Variants in LASP1 observed in about 807,000 individuals in gnomAD.
The protein encoded by LASP1 is LIM and SH3 protein 1, also known as LIM and SH3 domain protein 1.
A neutral mutation model predicts 38.6 loss-of-function variants in LASP1; 10 were observed. The observed-to-expected ratio is 0.26, with a 90% CI of 0.16 to 0.44. The LOEUF is 0.44. Ranked by LOEUF, LASP1 falls within the 20% of genes least tolerant of loss-of-function variation. LASP1 has a pLI of 1.00. For synonymous variants in LASP1, 132 were observed against 140.8 expected, an observed-to-expected ratio of 0.94 and a Z score of 0.44; for missense variants, 243 against 375.7, an observed-to-expected ratio of 0.65 and a Z score of 2.92.
intron 1 of LASP1, among the ~76,000 whole-genome samples, chr17:38,874,426 C>A (rs1005397095): frequency 6.6e-6 from 1 of 151,900 alleles, no homozygotes; most frequent in East Asian, 1.9e-4. Flanking sequence ...TGGCTCACAG[C>A]GGTTGTGGAG....
intron 4 of LASP1, among the ~76,000 whole-genome samples, chr17:38,900,390 A>AAAAAAAAAAAC (rs1914609494): frequency 6.6e-6 from 1 of 150,464 alleles, no homozygotes; most frequent in Non-Finnish European, 1.5e-5. Context: ...CAAAAAAAAA[A>AAAAAAAAAAAC]AGGACCAGGC....
chr17:38,873,999 CT>C (rs1555553132), intron 1 of LASP1: 1 of 150,052 alleles, frequency 6.7e-6, no homozygotes, highest in Non-Finnish European at 1.5e-5. Context: ...GCTTCTGCCC[CT>C]ACCAGCCTGT....
chr17:38,916,284 G>C (rs1401825820), intron 6 of LASP1: 1 of 152,476 alleles, frequency 6.6e-6, no homozygotes, highest in African/African-American at 2.4e-5. Context: ...ATTTGGCCGG[G>C]GGTGGTGGCT....
chr17:38,876,950 G>A (rs1212985219), intron 1 of LASP1, among the ~76,000 whole-genome samples: 7 of 151,774 alleles, frequency 4.6e-5, no homozygotes, highest in Non-Finnish European at 1.0e-4. Flanking sequence ...TGATCCGCCC[G>A]CCTCGGCCTC....
intron 2 of LASP1, among the ~76,000 whole-genome samples, chr17:38,882,890 C>T (rs1251063949): frequency 6.6e-6 from 1 of 152,106 alleles, no homozygotes; most frequent in Non-Finnish European, 1.5e-5. Context: ...TCTCTGACTG[C>T]ACATATTTGG....
intron 4 of LASP1, among the ~76,000 whole-genome samples, chr17:38,912,509 C>T (rs1362590853): frequency 2.0e-5 from 3 of 152,112 alleles, no homozygotes; most frequent in Non-Finnish European, 2.9e-5. Context: ...GGTCAGGGTG[C>T]CGCAAGCACA....
At chr17:38,898,326 G>A in intron 3 of LASP1, 86 bp from the exon 4 acceptor site, 1 of 773,038 alleles carries the variant, frequency 1.3e-6, no homozygotes, top group South Asian at 1.8e-5. Flanking sequence ...CCTGTCTCCT[G>A]ACTGGTTGCT....
chr17:38,899,065 C>T (rs772099397), intron 4 of LASP1: 29 of 332,802 alleles, frequency 8.7e-5, no homozygotes, highest in East Asian at 1.5e-4. Context: ...CTGGCTGTGG[C>T]AGGGGTGGGC....
chr17:38,898,359 A>G, intron 3 of LASP1, 53 bp from the exon 4 acceptor site: 1 of 1,362,422 alleles, frequency 7.3e-7, no homozygotes, highest in Admixed American at 2.2e-5. Flanking sequence ...CCCCAAGCCG[A>G]GGCCCTTTCG....
chr17:38,878,208 G>A (rs1476946269), intron 2 of LASP1, 28 bp downstream of exon 2: 2 of 1,534,282 alleles, frequency 1.3e-6, no homozygotes, highest in African/African-American at 1.4e-5. Context: ...CAGGGGGCTG[G>A]GTGGGCACCT....
chr17:38,901,700 T>A (rs1483009085), intron 4 of LASP1, among the ~76,000 whole-genome samples: 2 of 152,154 alleles, frequency 1.3e-5, no homozygotes, highest in South Asian at 2.1e-4. Flanking sequence ...CTGAAAAAGC[T>A]TCACCAACCC....
chr17:38,888,339 C>T (rs961540245), intron 2 of LASP1, among the ~76,000 whole-genome samples: 6 of 151,628 alleles, frequency 4.0e-5, no homozygotes, highest in African/African-American at 1.2e-4. Flanking sequence ...AGTACAGTGG[C>T]GGATCTTGGC....
intron 2 of LASP1, among the ~76,000 whole-genome samples, chr17:38,878,468 T>C (rs1357235115): frequency 6.6e-6 from 1 of 152,210 alleles, no homozygotes; most frequent in Admixed American, 6.5e-5. Context: ...AGACAGGCTC[T>C]AACCCAATTT....
chr17:38,918,481 GCTCCATTTCT>G lies in LASP1; in HGVS notation c.613-123_613-114del. The stretch of plus-strand genomic sequence containing the variant: ...AAGAATCTTTGCAGCAGAGCCTGGT[GCTCCATTTCT>G]GAGTTCACTGCTCCCCCAGGCTCTG... On this transcript the variant is annotated intron_variant, in intron 6 of 6. Coordinates refer to ENST00000318008, the MANE Select transcript of LASP1 (RefSeq NM_006148.4). This position sits in a 1 kb window ranked among gnomAD's most constrained non-coding sequence, Gnocchi z 4.4. 1 of 910,938 alleles carries G rather than the reference GCTCCATTTCT, an allele frequency of 1.1e-6. No homozygotes were observed. The highest frequency in any genetic ancestry group is 1.7e-6 in the Non-Finnish European group (1 of 595,940). 56.4% of individuals were successfully genotyped at this position (910,938 alleles called of 1,614,324 possible).
Position 38,918,649 on chromosome 17 carries a change from CG to C in LASP1, c.658del (p.Glu220ArgfsTer74). Reference protein sequence around the residue: ...VYDYSAADEDEVSFQDGDTIV... With the variant: ...VYDYSAADEDXVSFQDGDTIV... The stretch of plus-strand genomic sequence containing the variant: ...ATGACTACAGCGCCGCCGACGAGGA[CG>C]AGGTCTCCTTCCAGGACGGGGACAC... On this transcript the variant is annotated frameshift_variant, in exon 7 of 7. Transcript: ENST00000318008. LOFTEE classifies it high-confidence loss of function. The surrounding 1 kb of genome is among the most constrained non-coding windows in gnomAD (Gnocchi z 4.4). The C allele has an allele frequency of 6.2e-7, 1 of 1,611,634 alleles. No homozygotes were observed. The highest frequency in any genetic ancestry group is 1.1e-5 in the South Asian group (1 of 90,864).
rs899457098 is a variant in LASP1, at chr17:38,876,176, C to CTT, written c.70-1891_70-1890dup. ...ACGTGGAGCCTGTTAGATCGTTTCT[C>CTT]TTTTTTTTTTTTTTTTTTTTGAGAC... On this transcript the variant is annotated intron_variant, in intron 1 of 6. Coordinates refer to ENST00000318008, the MANE Select transcript of LASP1 (RefSeq NM_006148.4). 2.0e-3 allele frequency among the ~76,000 whole-genome samples: 252 copies of CTT among 127,602 alleles called. 6 individuals are homozygous for CTT. The highest frequency in any genetic ancestry group is 5.7e-3 in the African/African-American group (183 of 32,234). 83.7% of individuals were successfully genotyped at this position (127,602 alleles called of 152,430 possible).
chr17:38,875,950 A>T (rs1913758114), intron 1 of LASP1, among the ~76,000 whole-genome samples: 1 of 151,842 alleles, frequency 6.6e-6, no homozygotes, highest in South Asian at 2.1e-4. Context: ...TCCCTTGACT[A>T]CTGGGAAATG....
intron 4 of LASP1, among the ~76,000 whole-genome samples, chr17:38,909,314 AAGTGAAGAGG>A (rs1051942654): frequency 6.6e-6 from 1 of 152,146 alleles, no homozygotes; most frequent in African/African-American, 2.4e-5. Flanking sequence ...CCTCTCTGGA[AAGTGAAGAGG>A]AGGCTGGGCA....
chr17:38,880,294 T>C (rs1202078218), intron 2 of LASP1, among the ~76,000 whole-genome samples: 1 of 152,222 alleles, frequency 6.6e-6, no homozygotes, highest in Non-Finnish European at 1.5e-5. Flanking sequence ...GTCCTTGTTT[T>C]CTCTGCGTTT....
Sources: allele counts gnomAD v4.1 joint callset (sites outside exome capture counted in the v4.1 genomes callset), GRCh38; gene constraint gnomAD v4.1.1; non-coding constraint Gnocchi (gnomAD v3.1); transcripts MANE v1.5; gene names NCBI Gene and HGNC (gene_info 2026-07-23, HGNC 2026-07-21).